Variants in PHACTR1 observed in about 807,000 individuals in gnomAD.
The protein encoded by PHACTR1 is phosphatase and actin regulator 1, also known as RPEL repeat containing 1.
A neutral mutation model predicts 69.2 loss-of-function variants in PHACTR1; 16 were observed. The ratio of observed to expected loss-of-function variants is 0.23; its 90% confidence interval spans 0.16 to 0.35. PHACTR1 has a LOEUF of 0.35. Among genes scored for constraint, PHACTR1 ranks in the 10% least tolerant of loss-of-function variants. PHACTR1 has a pLI of 1.00. For synonymous variants in PHACTR1, 312 were observed against 284.5 expected (o/e 1.10, Z -0.97); for missense variants, 510 against 734.7 (o/e 0.69, Z 3.54).
At chr6:12,749,885 G>GC (rs1479626601) in intron 4 of PHACTR1, 95 bp downstream of exon 4, 10 of 1,191,862 alleles carry the variant, frequency 8.4e-6, no homozygotes, top group Admixed American at 3.0e-5. Flanking sequence ...CCTCCCCGCC[G>GC]CCCCCCGCAG....
chr6:13,230,202 G>A lies in PHACTR1; in HGVS notation c.1391+9G>A, dbSNP rs1489751130. On this transcript the variant is annotated intron_variant, in intron 10 of 14. Transcript: ENST00000332995. ...GGCACCAAGCTCACCAGGTAGGACA[G>A]CGGCACCCTCTGCCTCCCTGGCAGT... is the stretch of plus-strand genomic sequence containing the variant. The A allele has an allele frequency of 2.5e-6, 4 of 1,604,952 alleles. No homozygotes were observed. Among genetic ancestry groups the A allele is most frequent in the African/African-American group, 2.7e-5 (2 of 74,740 alleles).
intron 4 of PHACTR1, among the ~76,000 whole-genome samples, chr6:12,852,645 G>A (rs1165327219): frequency 1.3e-5 from 2 of 152,146 alleles, no homozygotes; most frequent in Non-Finnish European, 2.9e-5. Flanking sequence ...CCCTAGGTCT[G>A]TGGCCTAAAG....
intron 4 of PHACTR1, among the ~76,000 whole-genome samples, chr6:12,844,130 C>T (rs937136067): frequency 3.9e-5 from 6 of 152,182 alleles, no homozygotes; most frequent in Admixed American, 1.3e-4. Flanking sequence ...CGCAGTGGCT[C>T]ATACCTATAA....
At chr6:12,850,087 T>A (rs1201260932) in intron 4 of PHACTR1, among the ~76,000 whole-genome samples, 1 of 152,248 alleles carries the variant, frequency 6.6e-6, no homozygotes, top group African/African-American at 2.4e-5. Flanking sequence ...GGTATTTGAC[T>A]GCATGGACTG....
intron 4 of PHACTR1, among the ~76,000 whole-genome samples, chr6:12,776,063 T>A (rs1770022757): frequency 6.6e-6 from 1 of 152,196 alleles, no homozygotes. Flanking sequence ...GTTTGAAAAT[T>A]TAAAGAAATA....
chr6:13,156,258 C>T (rs1328536752), intron 5 of PHACTR1, among the ~76,000 whole-genome samples: 8 of 152,148 alleles, frequency 5.3e-5, no homozygotes, highest in Admixed American at 2.0e-4. Flanking sequence ...TCTGTGCATT[C>T]GCTGTGGGCT....
intron 10 of PHACTR1, among the ~76,000 whole-genome samples, chr6:13,237,943 T>A (rs908385766): frequency 6.6e-6 from 1 of 152,256 alleles, no homozygotes; most frequent in Non-Finnish European, 1.5e-5. Flanking sequence ...CACAGTCCCA[T>A]ATGCAGTCCG....
intron 5 of PHACTR1, among the ~76,000 whole-genome samples, chr6:13,110,913 T>C (rs1173361660): frequency 6.6e-6 from 1 of 151,286 alleles, no homozygotes. Flanking sequence ...CCTGGGTTTT[T>C]GTTTTTTGTT....
chr6:13,167,757 T>C (rs753777955), intron 6 of PHACTR1, among the ~76,000 whole-genome samples: 6 of 152,234 alleles, frequency 3.9e-5, no homozygotes, highest in Non-Finnish European at 8.8e-5. Flanking sequence ...TTAATCAGGT[T>C]GGAGCAACCT....
At chr6:12,976,491 CAT>C (rs1794897599) in intron 4 of PHACTR1, among the ~76,000 whole-genome samples, 1 of 152,194 alleles carries the variant, frequency 6.6e-6, no homozygotes, top group Non-Finnish European at 1.5e-5. Context: ...AAAGTGTTCT[CAT>C]ATGTGTCCAG....
chr6:12,921,545 G>C (rs1787669172), intron 4 of PHACTR1, among the ~76,000 whole-genome samples: 1 of 134,398 alleles, frequency 7.4e-6, no homozygotes, highest in African/African-American at 2.9e-5. Flanking sequence ...AGGAGGGAAA[G>C]GAGGAAGGAG....
chr6:12,747,753 T>TA (rs1432615183), intron 3 of PHACTR1, among the ~76,000 whole-genome samples: 1 of 152,138 alleles, frequency 6.6e-6, no homozygotes, highest in African/African-American at 2.4e-5. Flanking sequence ...TGTTTATAGT[T>TA]AAGAAATTTG....
intron 13 of PHACTR1, among the ~76,000 whole-genome samples, chr6:13,285,567 T>C (rs1029467591): frequency 1.3e-5 from 2 of 152,140 alleles, no homozygotes; most frequent in African/African-American, 4.8e-5. Flanking sequence ...GGCAGTATTA[T>C]AAGGATGGGG....
chr6:12,912,122 C>G (rs1236134469), intron 4 of PHACTR1, among the ~76,000 whole-genome samples: 1 of 152,156 alleles, frequency 6.6e-6, no homozygotes, highest in South Asian at 2.1e-4. Context: ...CTCAGCCTCT[C>G]GAGTAGCTGG....
At chr6:12,818,004 T>C (rs1032306497) in intron 4 of PHACTR1, among the ~76,000 whole-genome samples, 2 of 152,032 alleles carry the variant, frequency 1.3e-5, no homozygotes, top group Admixed American at 1.3e-4. Flanking sequence ...TTTGTATTTT[T>C]AGTAGAGACA....
intron 4 of PHACTR1, among the ~76,000 whole-genome samples, chr6:12,811,099 C>T (rs1307555730): frequency 6.6e-6 from 1 of 152,190 alleles, no homozygotes; most frequent in Non-Finnish European, 1.5e-5. Flanking sequence ...ATTTCGTGGG[C>T]TTTAAAGTGA....
chr6:13,193,785 A>G (rs115978873), intron 7 of PHACTR1, among the ~76,000 whole-genome samples: 3 of 152,150 alleles, frequency 2.0e-5, no homozygotes, highest in African/African-American at 7.2e-5. Flanking sequence ...GTCGATGCTC[A>G]CCCTGATGAC....
chr6:12,812,877 T>C (rs561308396), intron 4 of PHACTR1, among the ~76,000 whole-genome samples: 7 of 152,218 alleles, frequency 4.6e-5, no homozygotes, highest in Non-Finnish European at 8.8e-5. Context: ...CAATTTTCTT[T>C]CATGGCCTGG....
intron 4 of PHACTR1, among the ~76,000 whole-genome samples, chr6:12,958,873 T>C (rs750681884): frequency 3.9e-5 from 6 of 152,138 alleles, no homozygotes; most frequent in Non-Finnish European, 5.9e-5. Flanking sequence ...ATGTATCTGA[T>C]AGAAACAACT....
Sources: gnomAD v4.1 joint callset for allele counts (sites outside exome capture counted in the v4.1 genomes callset) on GRCh38, gnomAD v4.1.1 for gene constraint, MANE v1.5 for transcripts, NCBI Gene and HGNC (gene_info 2026-07-23, HGNC 2026-07-21) for gene names.